Variants in KCNAB1 observed in about 807,000 individuals in gnomAD.
KCNAB1 encodes the protein potassium voltage-gated channel subfamily A regulatory beta subunit 1.
In KCNAB1, 35 loss-of-function variants were observed where a neutral mutation model predicts 64.6. The observed-to-expected ratio is 0.54, with a 90% confidence interval of 0.41 to 0.72. The LOEUF is 0.72. Among genes scored for constraint, KCNAB1 ranks in the 30% least tolerant of loss-of-function variants. KCNAB1 has a pLI of 0.00. For missense variants in KCNAB1, 401 were observed against 512.9 expected (o/e 0.78, Z 2.11); for synonymous variants, 177 against 183.8 (o/e 0.96, Z 0.30).
chr3:156,463,645 G>A (rs370784985), intron 5 of KCNAB1, 57 bp from the exon 6 acceptor site: 15 of 1,296,468 alleles, frequency 1.2e-5, no homozygotes, highest in African/African-American at 4.5e-5. Context: ...AATATGACTC[G>A]GTACAATAAC....
intron 1 of KCNAB1, among the ~76,000 whole-genome samples, chr3:156,368,547 C>T (rs183075746): frequency 6.6e-6 from 1 of 152,274 alleles, no homozygotes; most frequent in East Asian, 1.9e-4. Context: ...ACCTTGGCCT[C>T]TCAAAACATC....
At chr3:156,506,900 A>T (rs1716869484) in intron 8 of KCNAB1, among the ~76,000 whole-genome samples, 1 of 152,230 alleles carries the variant, frequency 6.6e-6, no homozygotes, top group African/African-American at 2.4e-5. Context: ...AACAAAAAGA[A>T]AGCTCATATT....
At chr3:156,219,695 T>TTTA (rs139168632) in intron 1 of KCNAB1, among the ~76,000 whole-genome samples, 6,183 of 146,680 alleles carry the variant, frequency 0.042, 142 homozygotes, top group Non-Finnish European at 0.052. Context: ...AAGGAATCTT[T>TTTA]TTATTATTAT....
intron 1 of KCNAB1, among the ~76,000 whole-genome samples, chr3:156,342,420 A>G (rs1724180214): frequency 6.6e-6 from 1 of 152,122 alleles, no homozygotes. Context: ...CATGGCCTCC[A>G]TGACACACCA....
chr3:156,538,001 A>G lies in KCNAB1; in HGVS notation c.*1254A>G, dbSNP rs545505816. On this transcript the variant is annotated 3_prime_UTR_variant, in exon 14 of 14. Coordinates refer to ENST00000490337, the MANE Select transcript of KCNAB1 (RefSeq NM_172160.3). Reference sequence around the variant, plus strand: ...TGCATGAAAGTTCTTTGCATGGATTAATGGGGCTTACCCTTGTTGCACTCG... The same window carrying G: ...TGCATGAAAGTTCTTTGCATGGATTGATGGGGCTTACCCTTGTTGCACTCG... The G allele has an allele frequency of 1.3e-5, 2 of 152,208 alleles. No individual in the cohort carries two copies. The highest frequency in any genetic ancestry group is 4.8e-5 in the African/African-American group (2 of 41,456). 9.4% of individuals were successfully genotyped at this position (152,208 alleles called of 1,614,324 possible).
chr3:156,318,379 C>T lies in KCNAB1; in HGVS notation c.276-103237C>T, dbSNP rs1576718560. Among the ~76,000 whole-genome samples the T allele has an allele frequency of 2.6e-5, 4 of 152,156 alleles. No individual in the cohort carries two copies. The South Asian group carries it at 6.2e-4, about 24-fold the overall frequency. On this transcript the variant is annotated intron_variant, in intron 1 of 13. Coordinates refer to ENST00000490337, the MANE Select transcript of KCNAB1 (RefSeq NM_172160.3). ...TCCAGGCAGGCAGAGTGAGTGCCCC[C>T]GTAGGCCTCTATGAACCTAAAGGAG...
At chr3:156,521,854 A>T (rs187992585) in intron 11 of KCNAB1, among the ~76,000 whole-genome samples, 187 of 152,128 alleles carry the variant, frequency 1.2e-3, no homozygotes, top group African/African-American at 4.2e-3. Context: ...TCTACTTTTT[A>T]AAAACCCTAA....
chr3:156,202,520 G>T (rs1001760597), intron 1 of KCNAB1, among the ~76,000 whole-genome samples: 10 of 152,178 alleles, frequency 6.6e-5, no homozygotes, highest in African/African-American at 2.4e-4. Flanking sequence ...CTTTCTGGCT[G>T]TGTCTAGTCA....
chr3:156,137,609 C>T (rs946008191), intron 1 of KCNAB1, among the ~76,000 whole-genome samples: 5 of 150,836 alleles, frequency 3.3e-5, no homozygotes, highest in African/African-American at 4.9e-5. Flanking sequence ...AGTGCACTTG[C>T]GCGATCTCAC....
At chr3:156,354,919 TA>T (rs1174316096) in intron 1 of KCNAB1, among the ~76,000 whole-genome samples, 1 of 152,226 alleles carries the variant, frequency 6.6e-6, no homozygotes, top group African/African-American at 2.4e-5. Flanking sequence ...TACTAGTTCA[TA>T]CTCAGTACCC....
At chr3:156,196,900 CCAGTTTTTGCCCATT>C (rs1468077385) in intron 1 of KCNAB1, among the ~76,000 whole-genome samples, 1 of 152,198 alleles carries the variant, frequency 6.6e-6, no homozygotes, top group Non-Finnish European at 1.5e-5. Flanking sequence ...CGGAATGCTT[CCAGTTTTTGCCCATT>C]CAGTATGATA....
intron 8 of KCNAB1, among the ~76,000 whole-genome samples, chr3:156,504,895 A>G (rs1044660654): frequency 6.6e-6 from 1 of 151,880 alleles, no homozygotes; most frequent in Admixed American, 6.6e-5. Context: ...TGCTGTGCAG[A>G]AGCTTTTAGT....
intron 1 of KCNAB1, among the ~76,000 whole-genome samples, chr3:156,155,705 G>A (rs1473679060): frequency 1.3e-5 from 2 of 152,182 alleles, no homozygotes; most frequent in Admixed American, 1.3e-4. Flanking sequence ...AAGAAATGAT[G>A]TCAAGAAGGT....
intron 1 of KCNAB1, among the ~76,000 whole-genome samples, chr3:156,166,530 T>C (rs55989436): frequency 0.59 from 87,740 of 148,686 alleles, 26,233 homozygotes; most frequent in East Asian, 0.92. Flanking sequence ...AATACATATA[T>C]ACACACACAC....
chr3:156,327,635 A>T (rs1377308943), intron 1 of KCNAB1, among the ~76,000 whole-genome samples: 1 of 152,156 alleles, frequency 6.6e-6, no homozygotes, highest in African/African-American at 2.4e-5. Flanking sequence ...TAGCATGGGA[A>T]TTGGAAATAT....
At chr3:156,392,237 C>CGGGG (rs1713096656) in intron 1 of KCNAB1, among the ~76,000 whole-genome samples, 1 of 152,180 alleles carries the variant, frequency 6.6e-6, no homozygotes. Context: ...ACACCTTTCC[C>CGGGG]TTATTCACTG....
chr3:156,172,676 A>G (rs1055522470), intron 1 of KCNAB1, among the ~76,000 whole-genome samples: 4 of 152,220 alleles, frequency 2.6e-5, no homozygotes, highest in African/African-American at 9.6e-5. Context: ...CTGAGAGTAG[A>G]TAGGGGCCTT....
intron 1 of KCNAB1, among the ~76,000 whole-genome samples, chr3:156,281,093 C>T (rs1719686455): frequency 6.6e-6 from 1 of 151,196 alleles, no homozygotes; most frequent in Admixed American, 6.6e-5. Flanking sequence ...ATGATATTGG[C>T]TGTGGGTTTG....
intron 1 of KCNAB1, among the ~76,000 whole-genome samples, chr3:156,303,841 G>T (rs1721312960): frequency 6.6e-6 from 1 of 152,132 alleles, no homozygotes; most frequent in African/African-American, 2.4e-5. Flanking sequence ...AAGACATTTT[G>T]CTTGGGCCTA....
Sources: gnomAD v4.1 joint callset for allele counts (sites outside exome capture counted in the v4.1 genomes callset) on GRCh38, gnomAD v4.1.1 for gene constraint, MANE v1.5 for transcripts, NCBI Gene and HGNC (gene_info 2026-07-23, HGNC 2026-07-21) for gene names.